The following FOXP1 variants were observed in gnomAD, a reference collection of about 807,000 sequenced individuals.
FOXP1 encodes the protein forkhead box P1.
FOXP1 carries 15 observed loss-of-function variants against 98.2 expected under a neutral mutation model. That is an observed-to-expected ratio of 0.15 (90% CI 0.10 to 0.24). The LOEUF is 0.24. Ranked by LOEUF, FOXP1 falls within the 10% of genes least tolerant of loss-of-function variation. FOXP1 has a pLI of 1.00. For missense variants in FOXP1, 633 were observed against 848.5 expected (o/e 0.75, Z 3.15); for synonymous variants, 371 against 314.5 (o/e 1.18, Z -1.90).
At chr3:71,248,536 T>A (rs566116740) in intron 5 of FOXP1, among the ~76,000 whole-genome samples, 1 of 151,078 alleles carries the variant, frequency 6.6e-6, no homozygotes, top group South Asian at 2.1e-4. Context: ...AGCTCAGGAG[T>A]TCAAGACCAG....
chr3:71,581,181 T>G, intron 2 of FOXP1: 1 of 985,248 alleles, frequency 1.0e-6, no homozygotes, highest in Non-Finnish European at 1.2e-6. Flanking sequence ...TCAATACACT[T>G]TGTAATCAGC....
At chr3:71,275,892 C>T (rs950060159) in intron 5 of FOXP1, among the ~76,000 whole-genome samples, 6 of 152,264 alleles carry the variant, frequency 3.9e-5, no homozygotes, top group Admixed American at 1.3e-4. Flanking sequence ...CTACCTTTAA[C>T]ATATCCTGCA....
chr3:71,054,526 A>C (rs768323399), intron 7 of FOXP1, among the ~76,000 whole-genome samples: 47 of 152,240 alleles, frequency 3.1e-4, no homozygotes, highest in Non-Finnish European at 5.3e-4. Context: ...CAGATAAAAC[A>C]CTGACATTAA....
chr3:71,105,956 A>C (rs2057388869), intron 7 of FOXP1, among the ~76,000 whole-genome samples: 1 of 152,224 alleles, frequency 6.6e-6, no homozygotes, highest in African/African-American at 2.4e-5. Context: ...GGAAAATATG[A>C]CACTCAGTAG....
intron 2 of FOXP1, among the ~76,000 whole-genome samples, chr3:71,514,998 T>C (rs983590111): frequency 2.6e-5 from 4 of 152,136 alleles, no homozygotes; most frequent in African/African-American, 9.7e-5. Flanking sequence ...AAAAGAAAAA[T>C]ACTAAAACTA....
rs190678571 is a variant in FOXP1 at position 71,050,246 on chromosome 3, G to A, written c.510+2291C>T. Reference sequence around the variant, plus strand: ...TAACTTTTATCCTTCTTTCTGCTGTGTAACTTTCCCCTTCCCATTTCTTTA... The same window carrying A: ...TAACTTTTATCCTTCTTTCTGCTGTATAACTTTCCCCTTCCCATTTCTTTA... On this transcript the variant is annotated intron_variant, in intron 9 of 20. Coordinates refer to ENST00000649528, the MANE Select transcript of FOXP1 (RefSeq NM_001349338.3). Among the ~76,000 whole-genome samples the A allele has an allele frequency of 2.0e-5, 3 of 152,238 alleles. No individual in the cohort carries two copies. In the East Asian group the frequency reaches 5.8e-4, roughly 29 times the overall value.
At chr3:71,321,124 A>AAC (rs2107668279) in intron 4 of FOXP1, among the ~76,000 whole-genome samples, 1 of 143,148 alleles carries the variant, frequency 7.0e-6, no homozygotes. Context: ...ACTGTACCAA[A>AAC]AAAAAAAAAA....
chr3:71,547,564 C>A (rs546497609), intron 2 of FOXP1, among the ~76,000 whole-genome samples: 1 of 152,172 alleles, frequency 6.6e-6, no homozygotes, highest in African/African-American at 2.4e-5. Context: ...CAGAGCCACA[C>A]TTAAGGGGCA....
At chr3:70,967,696 T>TTTG (rs2035190358) in intron 19 of FOXP1, among the ~76,000 whole-genome samples, 4 of 104,980 alleles carry the variant, frequency 3.8e-5, no homozygotes, top group African/African-American at 9.8e-5. Flanking sequence ...TGTTTTTTTT[T>TTTG]TTTGTTTTTT....
chr3:71,238,671 A>C (rs776214244), intron 5 of FOXP1, among the ~76,000 whole-genome samples: 2 of 152,230 alleles, frequency 1.3e-5, no homozygotes, highest in Non-Finnish European at 2.9e-5. Flanking sequence ...CGTTCACAAC[A>C]GTTCTAGACC....
intron 4 of FOXP1, chr3:71,334,721 C>T (rs1427406936): frequency 6.6e-6 from 1 of 152,066 alleles, no homozygotes; most frequent in Non-Finnish European, 1.5e-5. Flanking sequence ...GTATAAAGAA[C>T]ACAGCAAACT....
intron 3 of FOXP1, among the ~76,000 whole-genome samples, chr3:71,380,078 T>C (rs996566352): frequency 5.3e-5 from 8 of 152,152 alleles, no homozygotes; most frequent in Non-Finnish European, 1.5e-5. Context: ...TGCCTGAGCA[T>C]GGCAAAGTCT....
At chr3:71,250,337 T>C (rs1173368051) in intron 5 of FOXP1, among the ~76,000 whole-genome samples, 1 of 152,220 alleles carries the variant, frequency 6.6e-6, no homozygotes, top group Non-Finnish European at 1.5e-5. Context: ...GTTCTATGCC[T>C]ACAACATCCA....
At chr3:71,171,912 T>C (rs1320015281) in intron 6 of FOXP1, among the ~76,000 whole-genome samples, 1 of 152,262 alleles carries the variant, frequency 6.6e-6, no homozygotes, top group Non-Finnish European at 1.5e-5. Context: ...ACAGAGTCCA[T>C]GAATATTAAT....
At chr3:71,395,983 C>T (rs1267462948) in intron 3 of FOXP1, among the ~76,000 whole-genome samples, 1 of 152,092 alleles carries the variant, frequency 6.6e-6, no homozygotes, top group Non-Finnish European at 1.5e-5. Flanking sequence ...TTTGCACCCA[C>T]CAGGAAACAG....
chr3:70,972,464 G>T, intron 18 of FOXP1, 91 bp downstream of exon 18: 2 of 1,555,770 alleles, frequency 1.3e-6, no homozygotes, highest in South Asian at 2.2e-5. Flanking sequence ...CCAGTTCTTT[G>T]GTCTAACACC....
At chr3:71,443,461 G>A (rs937290728) in intron 3 of FOXP1, among the ~76,000 whole-genome samples, 4 of 152,182 alleles carry the variant, frequency 2.6e-5, no homozygotes. Flanking sequence ...CCGTAACTCT[G>A]GGTTCACGTC....
At chr3:71,391,378 G>C (rs1302865923) in intron 3 of FOXP1, among the ~76,000 whole-genome samples, 1 of 152,162 alleles carries the variant, frequency 6.6e-6, no homozygotes, top group Non-Finnish European at 1.5e-5. Flanking sequence ...AAATAAAAAT[G>C]AGTTTAAGAA....
At chr3:71,015,128 A>G (rs1016866200) in intron 12 of FOXP1, among the ~76,000 whole-genome samples, 4 of 151,960 alleles carry the variant, frequency 2.6e-5, no homozygotes, top group African/African-American at 4.8e-5. Context: ...CCTAGAACTT[A>G]AAGTATAATT....
Sources: gnomAD v4.1 joint callset for allele counts (sites outside exome capture counted in the v4.1 genomes callset) on GRCh38, gnomAD v4.1.1 for gene constraint, MANE v1.5 for transcripts, NCBI Gene and HGNC (gene_info 2026-07-23, HGNC 2026-07-21) for gene names.